NCOR2: variants seen among roughly 807,000 people sequenced by gnomAD.
NCOR2 encodes the protein CTG repeat protein 26.
NCOR2 carries 81 observed loss-of-function variants against 262.9 expected under a neutral mutation model. The observed-to-expected ratio is 0.31, with a 90% CI of 0.26 to 0.37. The LOEUF is 0.37. Among genes scored for constraint, NCOR2 ranks in the 10% least tolerant of loss-of-function variants. NCOR2 has a pLI of 1.00. For missense variants in NCOR2, 3,385 were observed against 3,621.4 expected (o/e 0.93, Z 1.68); for synonymous variants, 1,659 against 1,559.3 (o/e 1.06, Z -1.51).
At chr12:124,427,494 G>A (rs1565933052) in intron 10 of NCOR2, among the ~76,000 whole-genome samples, 2 of 152,224 alleles carry the variant, frequency 1.3e-5, no homozygotes, top group African/African-American at 2.4e-5. Flanking sequence ...ACCCATCTCC[G>A]GAGGTAGGCG....
chr12:124,379,393 A>G (rs1479287500), intron 17 of NCOR2, among the ~76,000 whole-genome samples: 2 of 152,220 alleles, frequency 1.3e-5, no homozygotes, highest in Admixed American at 6.5e-5. Flanking sequence ...TGAGCCAGGC[A>G]GAGGCTCAGA....
At chr12:124,433,958 A>C (rs2044183064) in intron 8 of NCOR2, among the ~76,000 whole-genome samples, 1 of 130,380 alleles carries the variant, frequency 7.7e-6, no homozygotes, top group African/African-American at 2.8e-5. Context: ...CACCCCCGCC[A>C]GCTAGTCTGC....
chr12:124,339,250 T>G (rs1475231151), intron 37 of NCOR2, among the ~76,000 whole-genome samples: 1 of 35,870 alleles, frequency 2.8e-5, no homozygotes, highest in Non-Finnish European at 5.1e-5. Flanking sequence ...GCTAAGCCAG[T>G]CATCTATCCT....
At chr12:124,528,176 G>A (rs1360834760) in intron 1 of NCOR2, among the ~76,000 whole-genome samples, 2 of 152,114 alleles carry the variant, frequency 1.3e-5, no homozygotes, top group African/African-American at 2.4e-5. Context: ...CTACAGCAGC[G>A]CCTCCCCGCC....
At chr12:124,403,822 G>C (rs1003368883) in intron 13 of NCOR2, among the ~76,000 whole-genome samples, 3 of 152,174 alleles carry the variant, frequency 2.0e-5, no homozygotes, top group Non-Finnish European at 4.4e-5. Flanking sequence ...CAGAGCAAGT[G>C]TCTGACTGCT....
chr12:124,559,056 G>T, intron 1 of NCOR2, among the ~76,000 whole-genome samples: 1 of 152,132 alleles, frequency 6.6e-6, no homozygotes, highest in East Asian at 1.9e-4. Flanking sequence ...TGACCCCCAG[G>T]AGCCACCCGG....
intron 1 of NCOR2, among the ~76,000 whole-genome samples, chr12:124,527,737 T>C (rs1169330884): frequency 2.6e-5 from 4 of 152,200 alleles, no homozygotes; most frequent in Non-Finnish European, 4.4e-5. Context: ...AAATAAATTA[T>C]AACATGTGAA....
intron 1 of NCOR2, among the ~76,000 whole-genome samples, chr12:124,507,393 G>T (rs1170779199): frequency 6.6e-6 from 1 of 152,236 alleles, no homozygotes; most frequent in Non-Finnish European, 1.5e-5. Flanking sequence ...CCTCCAGGGA[G>T]ACCTCCCTGA....
At chr12:124,425,267 G>A (rs564178273) in intron 11 of NCOR2, among the ~76,000 whole-genome samples, 4 of 152,240 alleles carry the variant, frequency 2.6e-5, no homozygotes, top group East Asian at 3.9e-4. Context: ...CCAGCTACTC[G>A]GGAGGCTGAG....
At chr12:124,333,947 TG>T (rs1237374979) in intron 41 of NCOR2, among the ~76,000 whole-genome samples, 1 of 147,740 alleles carries the variant, frequency 6.8e-6, no homozygotes, top group Non-Finnish European at 1.5e-5. Context: ...TGTGTGTGGG[TG>T]TGCACGTGTG....
At chr12:124,374,386 C>T (rs1362454183) in intron 19 of NCOR2, 27 bp downstream of exon 21, 2 of 1,611,022 alleles carry the variant, frequency 1.2e-6, no homozygotes, top group African/African-American at 1.3e-5. Flanking sequence ...CGGCCCTACC[C>T]CCCAGGCCAG....
At chr12:124,346,051 G>A (rs903398751) in intron 31 of NCOR2, among the ~76,000 whole-genome samples, 1 of 152,174 alleles carries the variant, frequency 6.6e-6, no homozygotes, top group African/African-American at 2.4e-5. Flanking sequence ...TGGATGCTGC[G>A]GCTGTAGGAA....
intron 27 of NCOR2, 62 bp from the exon 30 acceptor site, chr12:124,350,799 T>C: frequency 1.3e-6 from 2 of 1,550,630 alleles, no homozygotes; most frequent in Non-Finnish European, 8.7e-7. Context: ...TCAACTCAAA[T>C]GCAGGCAAAG....
exon 15 of NCOR2, chr12:124,400,526 G>A (rs1374630678): frequency 8.7e-6 from 14 of 1,613,982 alleles, no homozygotes; most frequent in African/African-American, 1.3e-5. Context: ...GCTGGGGGGT[G>A]ATGGCCTCCT....
At position 124,341,429 on chromosome 12, in the gene NCOR2, G is replaced by A. The variant is rs139971829; in HGVS notation, c.5188+394C>T. Among the ~76,000 whole-genome samples, 10 of 152,212 alleles carry A rather than the reference G, an allele frequency of 6.6e-5. No homozygotes were observed. The East Asian group carries it at 1.5e-3, about 24-fold the overall frequency. ...TAATTTTTGTATTTTTAGGAGAGACGGGTTTCACCATGTTGGTCAGACTGG... is the reference window on the plus strand; with the variant it reads ...TAATTTTTGTATTTTTAGGAGAGACAGGTTTCACCATGTTGGTCAGACTGG... On this transcript the variant is annotated intron_variant, in intron 34 of 46. Coordinates refer to ENST00000405201, the Ensembl canonical transcript of NCOR2.
At chr12:124,396,285 T>C (rs181478163) in intron 16 of NCOR2, among the ~76,000 whole-genome samples, 141 of 152,324 alleles carry the variant, frequency 9.3e-4, no homozygotes, top group African/African-American at 3.3e-3. Flanking sequence ...AATGCAGATG[T>C]ACTTCATGCC....
intron 27 of NCOR2, among the ~76,000 whole-genome samples, chr12:124,351,312 G>A (rs778025177): frequency 2.0e-5 from 3 of 152,190 alleles, no homozygotes; most frequent in Admixed American, 6.6e-5. Context: ...GCAGCACACC[G>A]GAAATTTTAG....
At chr12:124,334,945 G>A (rs1040627124) in intron 40 of NCOR2, 190 bp downstream of exon 42, 65 of 783,674 alleles carry the variant, frequency 8.3e-5, no homozygotes, top group African/African-American at 7.7e-4. Context: ...ATTAGGGGGC[G>A]GTGATGGTGC....
At chr12:124,414,431 G>A (rs901385460) in intron 13 of NCOR2, among the ~76,000 whole-genome samples, 3 of 152,270 alleles carry the variant, frequency 2.0e-5, no homozygotes, top group African/African-American at 7.2e-5. Flanking sequence ...CCACCATAGC[G>A]GCCAGCAGCA....
Sources: allele counts gnomAD v4.1 joint callset (sites outside exome capture counted in the v4.1 genomes callset), GRCh38; gene constraint gnomAD v4.1.1; transcripts MANE v1.5; gene names NCBI Gene and HGNC (gene_info 2026-07-23, HGNC 2026-07-21).